Variants in MAST4 observed in about 807,000 individuals in gnomAD.
MAST4 encodes microtubule associated serine/threonine kinase family member 4, also known as microtubule-associated serine/threonine-protein kinase 4.
MAST4 carries 89 observed loss-of-function variants against 162.7 expected under a neutral mutation model. The ratio of observed to expected loss-of-function variants is 0.55; its 90% confidence interval spans 0.46 to 0.65. The LOEUF is 0.65. Ranked by LOEUF, MAST4 falls within the 30% of genes least tolerant of loss-of-function variation. The pLI is 0.00. For missense variants in MAST4, 3,153 were observed against 3,374.0 expected, an observed-to-expected ratio of 0.93 and a Z score of 1.62; for synonymous variants, 1,479 against 1,361.1, an observed-to-expected ratio of 1.09 and a Z score of -1.91.
At chr5:66,930,844 GAGA>G (rs1265920993) in intron 4 of MAST4, 1 of 467,118 alleles carries the variant, frequency 2.1e-6, no homozygotes, top group Non-Finnish European at 4.4e-6. Flanking sequence ...TTTGAGGAAG[GAGA>G]AGCAGAGATG....
intron 13 of MAST4, among the ~76,000 whole-genome samples, chr5:67,119,481 T>C (rs1767320496): frequency 6.6e-6 from 1 of 152,116 alleles, no homozygotes; most frequent in Non-Finnish European, 1.5e-5. Context: ...ACCCAGGCTC[T>C]GGAGTCAGGT....
chr5:66,954,027 A>G (rs549582604), intron 4 of MAST4, among the ~76,000 whole-genome samples: 24 of 152,318 alleles, frequency 1.6e-4, no homozygotes, highest in Non-Finnish European at 3.1e-4. Context: ...TTTAAACCCC[A>G]TATTTCCACC....
intron 2 of MAST4, among the ~76,000 whole-genome samples, chr5:66,768,895 TA>T (rs201064828): frequency 3.9e-5 from 6 of 152,012 alleles, no homozygotes; most frequent in Admixed American, 6.6e-5. Flanking sequence ...ACATTTGCTT[TA>T]AAAAAAAGCA....
intron 1 of MAST4, among the ~76,000 whole-genome samples, chr5:66,640,357 C>T (rs1580073700): frequency 6.7e-6 from 1 of 149,942 alleles, no homozygotes; most frequent in Non-Finnish European, 1.5e-5. Context: ...GCCCAGGCTG[C>T]ACTGCAGTGG....
chr5:66,682,551 T>C (rs890516991), intron 1 of MAST4, among the ~76,000 whole-genome samples: 2 of 152,156 alleles, frequency 1.3e-5, no homozygotes, highest in African/African-American at 4.8e-5. Flanking sequence ...AAGAGGACAG[T>C]AGTAAGGACT....
At chr5:66,780,220 T>C (rs918301712) in intron 2 of MAST4, among the ~76,000 whole-genome samples, 1 of 150,692 alleles carries the variant, frequency 6.6e-6, no homozygotes, top group African/African-American at 2.4e-5. Flanking sequence ...GAACTCCCCA[T>C]TCCCCACTCC....
At chr5:66,921,092 G>A (rs1228876847) in intron 4 of MAST4, among the ~76,000 whole-genome samples, 2 of 152,110 alleles carry the variant, frequency 1.3e-5, no homozygotes, top group Non-Finnish European at 2.9e-5. Flanking sequence ...ATAAAGCAAT[G>A]TTCACATGAC....
intron 24 of MAST4, among the ~76,000 whole-genome samples, chr5:67,150,584 G>T (rs1349421361): frequency 6.6e-6 from 1 of 152,202 alleles, no homozygotes; most frequent in East Asian, 1.9e-4. Context: ...CAGATGGGAA[G>T]GTAAGTTGGA....
chr5:66,801,334 G>T (rs116511629), intron 3 of MAST4, among the ~76,000 whole-genome samples: 7,263 of 152,044 alleles, frequency 0.048, 263 homozygotes, highest in South Asian at 0.13. Flanking sequence ...GGGAGGTTAG[G>T]GTGTACTTGG....
chr5:66,685,482 T>C (rs1005907664), intron 1 of MAST4, among the ~76,000 whole-genome samples: 13 of 152,162 alleles, frequency 8.5e-5, no homozygotes, highest in African/African-American at 2.4e-4. Context: ...ACAAACACAG[T>C]TGACAATTTT....
chr5:67,003,510 G>A (rs780944745), intron 4 of MAST4, among the ~76,000 whole-genome samples: 3 of 152,064 alleles, frequency 2.0e-5, no homozygotes, highest in Non-Finnish European at 2.9e-5. Flanking sequence ...TTTTGTAAGC[G>A]AGTTTGTTCC....
chr5:67,062,578 C>T (rs1759759139), intron 5 of MAST4, among the ~76,000 whole-genome samples: 1 of 152,142 alleles, frequency 6.6e-6, no homozygotes, highest in African/African-American at 2.4e-5. Context: ...AAGGCAATGA[C>T]CTCCTTTAGC....
chr5:66,834,986 C>G (rs946647406), intron 3 of MAST4, among the ~76,000 whole-genome samples: 2 of 152,136 alleles, frequency 1.3e-5, no homozygotes, highest in Non-Finnish European at 2.9e-5. Flanking sequence ...CCATTTATCT[C>G]CTGGATTCCC....
chr5:67,139,633 AG>A (rs755165531), intron 19 of MAST4, among the ~76,000 whole-genome samples: 2 of 152,232 alleles, frequency 1.3e-5, no homozygotes, highest in Non-Finnish European at 2.9e-5. Context: ...TAAGGTATCT[AG>A]TTCATTTACT....
At chr5:66,808,218 T>G (rs1391366659) in intron 3 of MAST4, among the ~76,000 whole-genome samples, 1 of 152,122 alleles carries the variant, frequency 6.6e-6, no homozygotes, top group African/African-American at 2.4e-5. Flanking sequence ...AGCCTGAGGT[T>G]GTTAGGTAGT....
intron 8 of MAST4, 48 bp from the exon 9 acceptor site, chr5:67,102,488 C>G (rs369394322): frequency 2.4e-5 from 37 of 1,517,252 alleles, no homozygotes; most frequent in Non-Finnish European, 3.1e-5. Context: ...AGCTTATTTT[C>G]ATTTCATGCT....
At chr5:66,888,627 A>G (rs1221169985) in intron 3 of MAST4, among the ~76,000 whole-genome samples, 3 of 152,234 alleles carry the variant, frequency 2.0e-5, no homozygotes, top group Non-Finnish European at 2.9e-5. Context: ...AAATTGGTTC[A>G]TAAAAGAATA....
intron 1 of MAST4, among the ~76,000 whole-genome samples, chr5:66,666,859 G>A (rs1485140529): frequency 6.6e-6 from 1 of 152,238 alleles, no homozygotes; most frequent in Admixed American, 6.5e-5. Context: ...AAGGGGCCAG[G>A]TGAGTAAACA....
At chr5:66,797,440 G>A (rs140225624) in intron 3 of MAST4, among the ~76,000 whole-genome samples, 2 of 152,254 alleles carry the variant, frequency 1.3e-5, no homozygotes, top group Non-Finnish European at 2.9e-5. Context: ...CTTATTCCGG[G>A]TTCATTGGCA....
Sources: allele counts gnomAD v4.1 joint callset (sites outside exome capture counted in the v4.1 genomes callset), GRCh38; gene constraint gnomAD v4.1.1; transcripts MANE v1.5; gene names NCBI Gene and HGNC (gene_info 2026-07-23, HGNC 2026-07-21).